The following SPIRE1 variants were observed in gnomAD, a reference collection of about 807,000 sequenced individuals.
SPIRE1 encodes spire type actin nucleation factor 1.
In SPIRE1, 40 loss-of-function variants were observed where a neutral mutation model predicts 94.1. The ratio of observed to expected loss-of-function variants is 0.43; its 90% confidence interval spans 0.33 to 0.55. The LOEUF is 0.55. Ranked by LOEUF, SPIRE1 falls within the 20% of genes least tolerant of loss-of-function variation. The pLI, the probability that SPIRE1 is intolerant of heterozygous loss-of-function variation, is 0.06. For synonymous variants in SPIRE1, 376 were observed against 371.7 expected (o/e 1.01, Z -0.13); for missense variants, 838 against 975.2 (o/e 0.86, Z 1.87).
upstream of SPIRE1, chr18:12,661,359 C>T (rs1320386293): frequency 4.1e-6 from 4 of 984,698 alleles, no homozygotes; most frequent in African/African-American, 7.0e-5. Flanking sequence ...ATCATCACAA[C>T]ACTCTGAAAG....
chr18:12,557,149 C>G (rs1158276031), intron 2 of SPIRE1, among the ~76,000 whole-genome samples: 1 of 152,244 alleles, frequency 6.6e-6, no homozygotes, highest in African/African-American at 2.4e-5. Flanking sequence ...CACGCCCGCA[C>G]TCCTCAGCCC....
chr18:12,619,970 A>G (rs1312498783), intron 2 of SPIRE1, among the ~76,000 whole-genome samples: 1 of 152,182 alleles, frequency 6.6e-6, no homozygotes, highest in African/African-American at 2.4e-5. Flanking sequence ...TACTGAAAAA[A>G]CATTAAAATT....
chr18:12,604,857 C>A (rs1481286028), intron 2 of SPIRE1, among the ~76,000 whole-genome samples: 1 of 152,110 alleles, frequency 6.6e-6, no homozygotes, highest in Non-Finnish European at 1.5e-5. Context: ...ACCAGTTGTC[C>A]ACCAAACAGA....
At chr18:12,640,354 GTTCT>G (rs746220259) in intron 1 of SPIRE1, among the ~76,000 whole-genome samples, 16 of 152,282 alleles carry the variant, frequency 1.1e-4, no homozygotes, top group African/African-American at 3.6e-4. Flanking sequence ...GTGAAATTAT[GTTCT>G]TTTTCATGCT....
chr18:12,659,014 TAGAAAGAAAGA>T (rs1215241705), upstream of SPIRE1: 2 of 158,000 alleles, frequency 1.3e-5, no homozygotes, highest in African/African-American at 4.8e-5. Flanking sequence ...CAATTAGCCG[TAGAAAGAAAGA>T]ATTCCGCCCC....
At chr18:12,554,782 A>G (rs926667905) in intron 2 of SPIRE1, among the ~76,000 whole-genome samples, 1 of 152,250 alleles carries the variant, frequency 6.6e-6, no homozygotes, top group African/African-American at 2.4e-5. Context: ...CATTAAAAAG[A>G]TCATGCATTA....
At position 12,583,684 on chromosome 18, in the gene SPIRE1, G is replaced by A. The variant is rs573495401; in HGVS notation, c.373-36780C>T. Among the ~76,000 whole-genome samples the A allele has an allele frequency of 4.6e-5, 7 of 151,992 alleles. No individual in the cohort carries two copies. The South Asian group carries it at 1.5e-3, about 32-fold the overall frequency. The stretch of plus-strand genomic sequence containing the variant: ...CATGCTTGTAATCCTAGCACTTTTG[G>A]GAGGCTGAGGTGAGCAGACTGCTTG... On this transcript the variant is annotated intron_variant, in intron 2 of 16. Coordinates refer to ENST00000409402, the MANE Select transcript of SPIRE1 (RefSeq NM_001128626.2).
chr18:12,650,826 C>G (rs2038358960), intron 1 of SPIRE1, among the ~76,000 whole-genome samples: 1 of 150,026 alleles, frequency 6.7e-6, no homozygotes, highest in East Asian at 2.0e-4. Flanking sequence ...CTGCAGTGAG[C>G]CGATCAAACC....
At chr18:12,506,427 GGGATTACA>G (rs776718412) in intron 6 of SPIRE1, 42 bp downstream of exon 6, 1 of 1,562,870 alleles carries the variant, frequency 6.4e-7, no homozygotes, top group Admixed American at 1.7e-5. Flanking sequence ...CCAAAGTGCT[GGGATTACA>G]GGAGTGAGCC....
chr18:12,630,762 C>T (rs959525896), intron 2 of SPIRE1, among the ~76,000 whole-genome samples: 1 of 152,166 alleles, frequency 6.6e-6, no homozygotes, highest in African/African-American at 2.4e-5. Context: ...GGCACAAGGG[C>T]CACCTAACAA....
At chr18:12,548,165 T>G (rs1033037439) in intron 2 of SPIRE1, among the ~76,000 whole-genome samples, 7 of 152,332 alleles carry the variant, frequency 4.6e-5, no homozygotes, top group African/African-American at 1.7e-4. Context: ...GACTCAATAA[T>G]GATCTCACTG....
At chr18:12,482,432 C>T (rs754373900) in intron 9 of SPIRE1, among the ~76,000 whole-genome samples, 59 of 151,676 alleles carry the variant, frequency 3.9e-4, no homozygotes, top group Non-Finnish European at 5.9e-4. Flanking sequence ...CATGAGACAC[C>T]GCACCAGGCC....
Position 12,588,261 on chromosome 18 carries a change from T to A in SPIRE1, c.373-41357A>T, listed in dbSNP as rs954763390. ...TTTCTAAATTGCCTAATTTTAATTT[T>A]TTTTTAAAAGTAGATTAGGTTAAAA... On this transcript the variant is annotated intron_variant, in intron 2 of 16. Transcript: ENST00000409402. 1.3e-3 allele frequency: 204 copies of A among 152,696 alleles called. 1 individual carries two copies. Among genetic ancestry groups the A allele is most frequent in the African/African-American group, 4.8e-3 (198 of 41,564 alleles). 9.5% of individuals were successfully genotyped at this position (152,696 alleles called of 1,614,324 possible).
chr18:12,511,901 T>C (rs1380285443), intron 5 of SPIRE1, among the ~76,000 whole-genome samples: 1 of 152,034 alleles, frequency 6.6e-6, no homozygotes, highest in African/African-American at 2.4e-5. Flanking sequence ...TTTTTTTATT[T>C]TATTTTTTAA....
chr18:12,576,672 G>A (rs1374697867), intron 2 of SPIRE1, among the ~76,000 whole-genome samples: 3 of 150,084 alleles, frequency 2.0e-5, no homozygotes, highest in African/African-American at 4.9e-5. Flanking sequence ...GGCAGATCAC[G>A]AGGTCAGGAG....
chr18:12,627,463 G>A (rs1236664820), intron 2 of SPIRE1, among the ~76,000 whole-genome samples: 4 of 152,072 alleles, frequency 2.6e-5, no homozygotes, highest in African/African-American at 7.2e-5. Context: ...GTCTATCATC[G>A]ATGGACATTT....
At chr18:12,603,911 A>G (rs932206501) in intron 2 of SPIRE1, among the ~76,000 whole-genome samples, 1 of 152,110 alleles carries the variant, frequency 6.6e-6, no homozygotes, top group Non-Finnish European at 1.5e-5. Flanking sequence ...TCATTCCAAC[A>G]TAACGAAGCT....
chr18:12,620,456 A>G (rs971131997), intron 2 of SPIRE1, among the ~76,000 whole-genome samples: 1 of 152,214 alleles, frequency 6.6e-6, no homozygotes, highest in African/African-American at 2.4e-5. Flanking sequence ...TCAAGGCAAC[A>G]TGGCACTGGC....
chr18:12,567,876 G>A (rs997303798), intron 2 of SPIRE1, among the ~76,000 whole-genome samples: 4 of 152,160 alleles, frequency 2.6e-5, no homozygotes, highest in Non-Finnish European at 4.4e-5. Context: ...AATTTACTAC[G>A]TTTCCCATTT....
Sources: gnomAD v4.1 joint callset for allele counts (sites outside exome capture counted in the v4.1 genomes callset) on GRCh38, gnomAD v4.1.1 for gene constraint, MANE v1.5 for transcripts, NCBI Gene and HGNC (gene_info 2026-07-23, HGNC 2026-07-21) for gene names.